KIAA1217: variants seen among roughly 807,000 people sequenced by gnomAD.
KIAA1217 encodes sickle tail protein homolog.
A neutral mutation model predicts 163.9 loss-of-function variants in KIAA1217; 88 were observed. That is an observed-to-expected ratio of 0.54 (90% CI 0.45 to 0.64). KIAA1217 has a LOEUF of 0.64. Among genes scored for constraint, KIAA1217 ranks in the 30% least tolerant of loss-of-function variants. KIAA1217 has a pLI of 0.00. For missense variants in KIAA1217, 2,372 were observed against 2,475.0 expected, an observed-to-expected ratio of 0.96 and a Z score of 0.88; for synonymous variants, 903 against 923.1, an observed-to-expected ratio of 0.98 and a Z score of 0.39.
At chr10:24,141,224 A>ACCCC (rs1359702155) in intron 2 of KIAA1217, among the ~76,000 whole-genome samples, 17 of 73,966 alleles carry the variant, frequency 2.3e-4, no homozygotes, top group Middle Eastern at 8.6e-3. Context: ...AGAAAGAATA[A>ACCCC]ACCCCCCCCC....
intron 1 of KIAA1217, among the ~76,000 whole-genome samples, chr10:23,834,225 T>C (rs1164906208): frequency 2.0e-5 from 3 of 152,198 alleles, no homozygotes; most frequent in African/African-American, 2.4e-5. Context: ...CCAGATCTTA[T>C]TATGTTTTGA....
chr10:24,381,434 G>A (rs1033790288), intron 3 of KIAA1217, among the ~76,000 whole-genome samples: 7 of 152,192 alleles, frequency 4.6e-5, no homozygotes, highest in Non-Finnish European at 1.0e-4. Context: ...CAAGAGGTGA[G>A]CAGAGGATGA....
chr10:23,999,786 T>C (rs923070497), intron 1 of KIAA1217, among the ~76,000 whole-genome samples: 6 of 152,146 alleles, frequency 3.9e-5, no homozygotes, highest in African/African-American at 9.7e-5. Flanking sequence ...AAGATTACTA[T>C]AGTGATCCCT....
intron 2 of KIAA1217, among the ~76,000 whole-genome samples, chr10:24,198,700 A>G (rs1446995577): frequency 1.3e-5 from 2 of 152,106 alleles, no homozygotes; most frequent in Non-Finnish European, 2.9e-5. Flanking sequence ...CATAAATCTC[A>G]TGAAAGAGGC....
At chr10:23,765,187 CTTTTTTTTT>C (rs67342339) in intron 1 of KIAA1217, among the ~76,000 whole-genome samples, 2 of 75,358 alleles carry the variant, frequency 2.7e-5, no homozygotes, top group South Asian at 5.2e-4. Flanking sequence ...TTTTTGTTCT[CTTTTTTTTT>C]TTTTTTTTTT....
At chr10:24,371,106 G>A (rs1463092926) in intron 2 of KIAA1217, among the ~76,000 whole-genome samples, 1 of 152,132 alleles carries the variant, frequency 6.6e-6, no homozygotes, top group African/African-American at 2.4e-5. Flanking sequence ...TGGCTTTGGG[G>A]AGGAGTCAGA....
rs561380477 is a variant in KIAA1217, at chr10:24,105,972, A to T, written c.-171+98598A>T. Among the ~76,000 whole-genome samples the T allele has an allele frequency of 1.6e-4, 25 of 152,312 alleles. No individual in the cohort carries two copies. In the East Asian group the frequency reaches 4.8e-3, roughly 29 times the overall value. ...GGCGTGGGGAGTCAGTGAGGCCTAA[A>T]AGAAGAGTAGAAGTTATTAGGAAGT... is the stretch of plus-strand genomic sequence containing the variant. On this transcript the variant is annotated intron_variant, in intron 2 of 18. Coordinates refer to the KIAA1217 transcript ENST00000376462.
intron 1 of KIAA1217, among the ~76,000 whole-genome samples, chr10:23,898,392 A>G (rs889031021): frequency 1.1e-4 from 17 of 152,008 alleles, no homozygotes; most frequent in Non-Finnish European, 2.1e-4. Context: ...TTGAAAGGTT[A>G]GAACACAACT....
chr10:23,959,666 T>C (rs1003623238), intron 1 of KIAA1217, among the ~76,000 whole-genome samples: 1 of 152,130 alleles, frequency 6.6e-6, no homozygotes, highest in Admixed American at 6.5e-5. Flanking sequence ...AGGCTAAATT[T>C]GATGAAGAGT....
At chr10:24,148,621 T>C (rs1191521915) in intron 2 of KIAA1217, among the ~76,000 whole-genome samples, 1 of 152,154 alleles carries the variant, frequency 6.6e-6, no homozygotes, top group Non-Finnish European at 1.5e-5. Flanking sequence ...CCCTCTCTCA[T>C]CATGTGATAT....
At chr10:23,789,164 G>T (rs532863188) in intron 1 of KIAA1217, among the ~76,000 whole-genome samples, 28 of 146,218 alleles carry the variant, frequency 1.9e-4, no homozygotes, top group African/African-American at 6.3e-4. Context: ...TTTTATTAAG[G>T]TTTTTTTGTA....
chr10:24,470,509 C>T (rs1474750415), intron 5 of KIAA1217, among the ~76,000 whole-genome samples: 1 of 152,124 alleles, frequency 6.6e-6, no homozygotes, highest in Non-Finnish European at 1.5e-5. Flanking sequence ...AGAACTAGCA[C>T]ATGGGGAGAG....
At chr10:24,503,396 C>T (rs1381253878) in intron 9 of KIAA1217, among the ~76,000 whole-genome samples, 2 of 152,200 alleles carry the variant, frequency 1.3e-5, no homozygotes, top group East Asian at 1.9e-4. Context: ...AGCTTCCTCT[C>T]GCTTTGCAAT....
At chr10:24,169,848 A>G (rs1432173874) in intron 2 of KIAA1217, among the ~76,000 whole-genome samples, 2 of 152,196 alleles carry the variant, frequency 1.3e-5, no homozygotes, top group Non-Finnish European at 2.9e-5. Flanking sequence ...GACATAAAGT[A>G]TTCCACACTT....
chr10:24,040,010 G>A (rs983279257), intron 2 of KIAA1217, among the ~76,000 whole-genome samples: 5 of 152,062 alleles, frequency 3.3e-5, no homozygotes, highest in African/African-American at 1.2e-4. Flanking sequence ...ATAATAAGAC[G>A]TCATTCTATT....
At chr10:24,072,036 T>A (rs1367699429) in intron 2 of KIAA1217, among the ~76,000 whole-genome samples, 1 of 152,126 alleles carries the variant, frequency 6.6e-6, no homozygotes, top group African/African-American at 2.4e-5. Context: ...ATTTCACTTA[T>A]TTTTTTAGAG....
intron 1 of KIAA1217, among the ~76,000 whole-genome samples, chr10:23,899,956 C>T (rs1256903589): frequency 6.6e-6 from 1 of 150,776 alleles, no homozygotes; most frequent in Non-Finnish European, 1.5e-5. Context: ...CTCTCTCTTT[C>T]TCTCTCCCTC....
Position 24,545,044 on chromosome 10 carries a change from G to A in KIAA1217, c.5275G>A (p.Gly1759Arg), listed in dbSNP as rs148983286. ...CCCCATGAGTGCCAAGAACAGACCC[G>A]GAACCCTGGACAAACCCGGCAAGCA... ...PVPMSAKNRP[G>R]TLDKPGKQSK... is the part of the protein sequence containing the mutation. Residue 1759 changes from glycine to arginine, a missense_variant, in exon 20 of 21, where the codon GGA becomes AGA. Coordinates refer to ENST00000376454, the MANE Select transcript of KIAA1217 (RefSeq NM_019590.5). 47 of 1,613,960 alleles carry A rather than the reference G, an allele frequency of 2.9e-5. No individual in the cohort carries two copies. Among genetic ancestry groups the A allele is most frequent in the Middle Eastern group, 1.6e-4 (1 of 6,084 alleles).
In KIAA1217 at chr10:24,283,327, C is replaced by T. The variant is rs533791086; in HGVS notation, c.354+63418C>T. Reference sequence around the variant, plus strand: ...CACTTGGCAATATGCATTTAAGATTCGTCCATGTCTTTTTGTTGCTTAAGA... The same window carrying T: ...CACTTGGCAATATGCATTTAAGATTTGTCCATGTCTTTTTGTTGCTTAAGA... On this transcript the variant is annotated intron_variant, in intron 2 of 20. Coordinates refer to ENST00000376454, the MANE Select transcript of KIAA1217 (RefSeq NM_019590.5). 2.6e-3 allele frequency among the ~76,000 whole-genome samples: 390 copies of T among 152,196 alleles called. 2 individuals carry two copies. The highest frequency in any genetic ancestry group is 1.2e-3 in the South Asian group (6 of 4,810).
Sources: allele counts gnomAD v4.1 joint callset (sites outside exome capture counted in the v4.1 genomes callset), GRCh38; gene constraint gnomAD v4.1.1; transcripts MANE v1.5; gene names NCBI Gene and HGNC (gene_info 2026-07-23, HGNC 2026-07-21).